Variants in CDKN2A observed in about 807,000 individuals in gnomAD.
CDKN2A encodes the protein cyclin dependent kinase inhibitor 2A.
Under a neutral mutation model 11.1 loss-of-function variants are expected in CDKN2A, and 3 were observed. That is an observed-to-expected ratio of 0.27 (90% confidence interval 0.12 to 0.70). The LOEUF (loss-of-function observed/expected upper bound fraction) is 0.70, where lower values mean the gene tolerates loss of function less well. Among genes scored for constraint, CDKN2A ranks in the 30% least tolerant of loss-of-function variants. CDKN2A has a pLI of 0.77. For missense variants in CDKN2A, 265 were observed against 233.6 expected (o/e 1.13, Z -0.88); for synonymous variants, 122 against 108.1 (o/e 1.13, Z -0.80).
intron 2 of CDKN2A, among the ~76,000 whole-genome samples, chr9:21,989,172 C>A (rs773155097): frequency 1.3e-4 from 20 of 152,166 alleles, no homozygotes; most frequent in Non-Finnish European, 2.6e-4. Context: ...ATTAAAATAG[C>A]ATGAATTAGG....
intron 1 of CDKN2A, among the ~76,000 whole-genome samples, chr9:21,971,688 T>C (rs990764079): frequency 2.0e-5 from 3 of 151,316 alleles, no homozygotes; most frequent in Non-Finnish European, 2.9e-5. Context: ...ACTTTTAAGT[T>C]ACACTTAGCT....
chr9:21,988,944 C>T lies in CDKN2A; in HGVS notation c.-4+4938G>A, dbSNP rs533249757. Among the ~76,000 whole-genome samples the T allele has an allele frequency of 4.6e-5, 7 of 152,310 alleles. No homozygotes were observed. The East Asian group carries it at 1.2e-3, about 25-fold the overall frequency. ...GTCCACCAAGCCCTATCGTTCTGCT[C>T]TTTGGAAATTCTCCCTCACTTTCTT... On this transcript the variant is annotated intron_variant, in intron 2 of 3. Coordinates refer to the CDKN2A transcript ENST00000494262. This position sits in a 1 kb window ranked among gnomAD's most constrained non-coding sequence, Gnocchi z 4.1.
At chr9:21,979,057 C>G (rs1365016462), upstream of CDKN2A, among the ~76,000 whole-genome samples, 1 of 152,176 alleles carries the variant, frequency 6.6e-6, no homozygotes, top group Non-Finnish European at 1.5e-5. Flanking sequence ...TCATTTGTCT[C>G]TAGTAGGCAA....
At chr9:21,975,078 CT>C, upstream of CDKN2A, 1 of 1,315,764 alleles carries the variant, frequency 7.6e-7, no homozygotes, top group Non-Finnish European at 9.6e-7. Flanking sequence ...TGTGGCACCC[CT>C]GAAGTCGCCC....
At chr9:21,993,936 G>A in exon 2 of CDKN2A, 1 of 640,672 alleles carries the variant, frequency 1.6e-6, no homozygotes, top group Non-Finnish European at 2.8e-6. Flanking sequence ...CACGATTGAG[G>A]GGCTGTGTGA....
In CDKN2A at chr9:21,970,954, C is replaced by T. The variant is rs751586391; in HGVS notation, c.405G>A (p.Gly135=). Reference sequence around the variant, plus strand: ...GGGCATGGTTACTGCCTCTGGTGCCCCCCGCAGCCGCGCGCAGGTACCGTG... The same window carrying T: ...GGGCATGGTTACTGCCTCTGGTGCCTCCCGCAGCCGCGCGCAGGTACCGTG... ...DVARYLRAAA[G]GTRGSNHARI... Residue 135 remains glycine, a synonymous_variant, in exon 2 of 3, where the codon GGG becomes GGA. Coordinates refer to ENST00000304494, the MANE Select transcript of CDKN2A (RefSeq NM_000077.5). 306 of 1,611,984 alleles carry T rather than the reference C, an allele frequency of 1.9e-4. 2 individuals carry two copies. The East Asian group carries it at 6.7e-3, about 35-fold the overall frequency.
intron 1 of CDKN2A, among the ~76,000 whole-genome samples, chr9:21,973,626 G>A (rs955776335): frequency 3.9e-5 from 6 of 152,144 alleles, no homozygotes; most frequent in Non-Finnish European, 1.5e-5. Flanking sequence ...CAGGAGTAGG[G>A]AGAGGAGAAA....
rs1469029164 is a variant in CDKN2A at position 21,991,191 on chromosome 9, T to C, written c.-4+2691A>G. Among the ~76,000 whole-genome samples the C allele has an allele frequency of 1.3e-5, 2 of 152,210 alleles. No homozygotes were observed. Among genetic ancestry groups the C allele is most frequent in the Admixed American group, 6.5e-5 (1 of 15,278 alleles). On this transcript the variant is annotated intron_variant, in intron 2 of 3. Coordinates refer to the CDKN2A transcript ENST00000494262. The surrounding 1 kb of genome is among the most constrained non-coding windows in gnomAD (Gnocchi z 5.2). ...TGGGCTTTGCAGCAGATGGAGGAGC[T>C]AGGGCAAGCTTGTCCAACCTGTGGG... is the stretch of plus-strand genomic sequence containing the variant.
Position 21,991,657 on chromosome 9 carries a change from G to C in CDKN2A, c.-4+2225C>G. 1 of 984,492 alleles carries C rather than the reference G, an allele frequency of 1.0e-6. No homozygotes were observed. The highest frequency in any genetic ancestry group is 1.2e-6 in the Non-Finnish European group (1 of 829,088). 61.0% of individuals were successfully genotyped at this position (984,492 alleles called of 1,614,324 possible). On this transcript the variant is annotated intron_variant, in intron 2 of 3. Coordinates refer to the CDKN2A transcript ENST00000494262. This position sits in a 1 kb window ranked among gnomAD's most constrained non-coding sequence, Gnocchi z 5.2. ...TAACTCTATCATGGTAGTTGATAGT[G>C]ATGAACTAACGTGGAATAATAGATC...
upstream of CDKN2A, chr9:21,974,882 A>C (rs2131114854): frequency 6.8e-7 from 1 of 1,468,138 alleles, no homozygotes; most frequent in Non-Finnish European, 8.9e-7. This position sits in a 1 kb window ranked among gnomAD's most constrained non-coding sequence, Gnocchi z 5.2. Flanking sequence ...CGCCGAGCGC[A>C]CGCGGTCCGC....
At chr9:21,979,108 T>C (rs975374412), upstream of CDKN2A, among the ~76,000 whole-genome samples, 4 of 152,156 alleles carry the variant, frequency 2.6e-5, no homozygotes, top group African/African-American at 9.7e-5. Context: ...TCTTGAAGAA[T>C]GATGTGAGAG....
At chr9:21,979,323 T>C (rs890291362), upstream of CDKN2A, among the ~76,000 whole-genome samples, 9 of 152,126 alleles carry the variant, frequency 5.9e-5, no homozygotes, top group African/African-American at 2.2e-4. Context: ...TACTCTTTCA[T>C]AGCTTGGTTG....
At chr9:21,970,447 T>A (rs1819652929) in intron 2 of CDKN2A, 1 of 364,308 alleles carries the variant, frequency 2.7e-6, no homozygotes, top group African/African-American at 2.1e-5. Context: ...GATCGAGAGA[T>A]CTCCAGATGA....
chr9:21,990,689 T>C (rs1820413035), intron 2 of CDKN2A, among the ~76,000 whole-genome samples: 2 of 147,742 alleles, frequency 1.4e-5, no homozygotes, highest in South Asian at 2.2e-4. Context: ...TAAAAAAACC[T>C]GACTTTATAA....
At chr9:21,971,574 G>GGTTTTTTTTTTTTT (rs1172457321) in intron 1 of CDKN2A, among the ~76,000 whole-genome samples, 1 of 54,086 alleles carries the variant, frequency 1.8e-5, no homozygotes, top group East Asian at 7.0e-4. Context: ...TAGGCCTGGA[G>GGTTTTTTTTTTTTT]ATTTTTTTTT....
chr9:21,980,635 C>T (rs1820149302), intron 2 of CDKN2A, among the ~76,000 whole-genome samples: 1 of 151,982 alleles, frequency 6.6e-6, no homozygotes, highest in African/African-American at 2.4e-5. Context: ...GTTTCTTAGT[C>T]AAGAGCATGT....
At chr9:21,987,224 G>A (rs775906647) in intron 2 of CDKN2A, among the ~76,000 whole-genome samples, 1 of 151,676 alleles carries the variant, frequency 6.6e-6, no homozygotes, top group Non-Finnish European at 1.5e-5. Flanking sequence ...GTCCATAAAT[G>A]CTTTATTCTG....
Position 21,974,853 on chromosome 9 carries a change from C to A in CDKN2A, c.-26G>T. 6.6e-7 allele frequency: 1 copy of A among 1,522,096 alleles called. No individual in the cohort carries two copies. 94.3% of individuals were successfully genotyped at this position (1,522,096 alleles called of 1,614,324 possible). ...GCTGCTCCCCGCCGCCCGCTGCCTGCTCTCCCCCTCTCCGCAGCCGCCGAG... is the reference window on the plus strand; with the variant it reads ...GCTGCTCCCCGCCGCCCGCTGCCTGATCTCCCCCTCTCCGCAGCCGCCGAG... On this transcript the variant is annotated 5_prime_UTR_variant, in exon 1 of 3. Transcript: ENST00000304494. The surrounding 1 kb of genome is among the most constrained non-coding windows in gnomAD (Gnocchi z 5.2).
rs1064794838 is a variant in CDKN2A, at chr9:21,971,033, G to T, written c.326C>A (p.Ala109Asp). 3 of 1,606,314 alleles carry T rather than the reference G, an allele frequency of 1.9e-6. No individual in the cohort carries two copies. Among genetic ancestry groups the T allele is most frequent in the South Asian group, 1.1e-5 (1 of 90,948 alleles). Residue 109 changes from alanine to aspartate, a missense_variant, in exon 2 of 3, where the codon GCC becomes GAC. Transcript: ENST00000304494. ...RAGARLDVRD[A>D]WGRLPVDLAE... is the part of the protein sequence containing the mutation. Reference sequence around the variant, plus strand: ...CAGGTCCACGGGCAGACGGCCCCAGGCATCGCGCACGTCCAGCCGCGCCCC... The same window carrying T: ...CAGGTCCACGGGCAGACGGCCCCAGTCATCGCGCACGTCCAGCCGCGCCCC...
Sources: gnomAD v4.1 joint callset for allele counts (sites outside exome capture counted in the v4.1 genomes callset) on GRCh38, gnomAD v4.1.1 for gene constraint, Gnocchi (gnomAD v3.1) non-coding constraint, MANE v1.5 for transcripts, NCBI Gene and HGNC (gene_info 2026-07-23, HGNC 2026-07-21) for gene names.